VCL: variants seen among roughly 807,000 people sequenced by gnomAD.
VCL encodes the protein epididymis luminal protein 114.
A neutral mutation model predicts 125.7 loss-of-function variants in VCL; 47 were observed. The ratio of observed to expected loss-of-function variants is 0.37; its 90% CI spans 0.30 to 0.48. The LOEUF is 0.48. VCL is among the 20% of genes least tolerant of loss of function. The pLI, the probability that VCL is intolerant of heterozygous loss-of-function variation, is 0.99. For missense variants in VCL, 1,069 were observed against 1,455.5 expected (o/e 0.73, Z 4.32); for synonymous variants, 458 against 514.6 (o/e 0.89, Z 1.49).
chr10:74,001,701 G>A (rs1840229032), intron 1 of VCL, among the ~76,000 whole-genome samples: 2 of 152,260 alleles, frequency 1.3e-5, no homozygotes, highest in South Asian at 2.1e-4. Flanking sequence ...CTCTGAATTT[G>A]CTAGAAAAGA....
Position 73,998,369 on chromosome 10 carries a change from C to T in VCL, c.162C>T (p.Leu54=). 1.3e-6 allele frequency: 2 copies of T among 1,535,326 alleles called. No homozygotes were observed. Among genetic ancestry groups the T allele is most frequent in the African/African-American group, 1.4e-5 (1 of 71,570 alleles). Residue 54 remains leucine (L), a synonymous_variant, in exon 1 of 22, where the codon CTC becomes CTT. Coordinates refer to ENST00000211998, the MANE Select transcript of VCL (RefSeq NM_014000.3). ...VAAVQAAVSN[L]VRVGKETVQT... is the part of the protein sequence containing the mutation. ...CCGTGCAGGCGGCCGTCAGCAACCTCGTCCGGGTGAGCGCGCAGGGCCTGG... is the reference window on the plus strand; with the variant it reads ...CCGTGCAGGCGGCCGTCAGCAACCTTGTCCGGGTGAGCGCGCAGGGCCTGG...
intron 1 of VCL, among the ~76,000 whole-genome samples, chr10:74,003,493 C>T (rs73278487): frequency 2.0e-3 from 305 of 152,186 alleles, no homozygotes; most frequent in African/African-American, 7.0e-3. Context: ...ACATTATAGT[C>T]ATGCCAGTTT....
At chr10:74,121,322 T>TATC (rs1262655268), downstream of VCL, 2 of 152,242 alleles carry the variant, frequency 1.3e-5, no homozygotes, top group Admixed American at 6.5e-5. Flanking sequence ...GGAATGAACC[T>TATC]ATCACAGGAA....
intron 1 of VCL, among the ~76,000 whole-genome samples, chr10:74,004,750 G>T (rs1019785346): frequency 6.6e-6 from 1 of 151,766 alleles, no homozygotes; most frequent in Non-Finnish European, 1.5e-5. Flanking sequence ...TCTTGCCCAG[G>T]CTGGAGTGCA....
At chr10:74,106,705 C>T (rs1430639770) in intron 16 of VCL, among the ~76,000 whole-genome samples, 1 of 152,216 alleles carries the variant, frequency 6.6e-6, no homozygotes, top group Non-Finnish European at 1.5e-5. Context: ...TGCTTGGTTT[C>T]CTAATTGGAG....
chr10:74,039,392 G>A (rs532486615), intron 1 of VCL, among the ~76,000 whole-genome samples: 127 of 151,694 alleles, frequency 8.4e-4, no homozygotes, highest in African/African-American at 2.7e-3. Flanking sequence ...TCACTCTCCC[G>A]GCTGACTGCA....
chr10:74,010,030 TCCTCCCTCTTCAG>T (rs1454196581), intron 1 of VCL, among the ~76,000 whole-genome samples: 3 of 152,076 alleles, frequency 2.0e-5, no homozygotes, highest in African/African-American at 7.2e-5. Context: ...GTTCAAGTGA[TCCTCCCTCTTCAG>T]CCTCCCAAGT....
chr10:74,026,580 G>A (rs1425435526), intron 1 of VCL, among the ~76,000 whole-genome samples: 2 of 152,086 alleles, frequency 1.3e-5, no homozygotes, highest in Non-Finnish European at 2.9e-5. Flanking sequence ...AATCACAAAC[G>A]AATATTGCAA....
At chr10:74,115,142 G>T (rs1029083975) in intron 21 of VCL, among the ~76,000 whole-genome samples, 2 of 152,022 alleles carry the variant, frequency 1.3e-5, no homozygotes, top group African/African-American at 4.8e-5. Flanking sequence ...TGAGGCGGGA[G>T]AATTGCTTAA....
intron 2 of VCL, among the ~76,000 whole-genome samples, chr10:74,064,161 C>G (rs980067971): frequency 6.6e-6 from 1 of 152,132 alleles, no homozygotes; most frequent in Non-Finnish European, 1.5e-5. Flanking sequence ...CACAGAAATA[C>G]TTTACTCAAA....
At chr10:74,056,104 C>A (rs1346015136) in intron 2 of VCL, among the ~76,000 whole-genome samples, 1 of 151,778 alleles carries the variant, frequency 6.6e-6, no homozygotes, top group Admixed American at 6.6e-5. Context: ...TATTTGAAGT[C>A]AAAACTGGCT....
intron 18 of VCL, among the ~76,000 whole-genome samples, chr10:74,109,503 C>T (rs1443481164): frequency 6.6e-6 from 1 of 151,910 alleles, no homozygotes; most frequent in African/African-American, 2.4e-5. Context: ...TTAGATGCTA[C>T]ATTGCTAATG....
rs1159824812 is a variant in VCL at position 74,028,393 on chromosome 10, CTT to C, written c.169-14671_169-14670del. On this transcript the variant is annotated intron_variant, in intron 1 of 21. Coordinates refer to ENST00000211998, the MANE Select transcript of VCL (RefSeq NM_014000.3). ...GCCACTGCTCCCAGCCTTAAGTAATCTTTTTTTTTTTTTTTTTTTTGAGACAG... is the reference window on the plus strand; with the variant it reads ...GCCACTGCTCCCAGCCTTAAGTAATCTTTTTTTTTTTTTTTTTTGAGACAG... Among the ~76,000 whole-genome samples the C allele has an allele frequency of 1.6e-3, 193 of 121,724 alleles. 1 individual carries two copies. The highest frequency in any genetic ancestry group is 5.5e-3 in the African/African-American group (178 of 32,104). The allele number at this position is 121,724 out of a possible 152,430, so 79.9% of individuals were successfully genotyped here.
At chr10:74,042,050 A>G (rs1267735731) in intron 1 of VCL, among the ~76,000 whole-genome samples, 3 of 152,244 alleles carry the variant, frequency 2.0e-5, no homozygotes, top group African/African-American at 7.2e-5. Context: ...GCATTAGTAC[A>G]ACCAGTAGAA....
chr10:74,079,372 C>A (rs1462826095), intron 6 of VCL, among the ~76,000 whole-genome samples: 1 of 152,092 alleles, frequency 6.6e-6, no homozygotes, highest in Non-Finnish European at 1.5e-5. Flanking sequence ...TTGGTAGAGA[C>A]TTTTCTTTTT....
At chr10:74,111,877 C>G (rs1485575082) in intron 18 of VCL, 32 bp from the exon 19 acceptor site, 2 of 1,613,364 alleles carry the variant, frequency 1.2e-6, no homozygotes, top group Admixed American at 1.7e-5. Flanking sequence ...TAACACTATC[C>G]CTATTTCTCA....
intron 1 of VCL, among the ~76,000 whole-genome samples, chr10:74,022,211 A>T (rs974802719): frequency 2.0e-5 from 3 of 152,134 alleles, no homozygotes; most frequent in African/African-American, 4.8e-5. Flanking sequence ...TTGGGAAAAA[A>T]ACAGAAGATG....
chr10:74,093,630 C>T (rs1024911223), intron 10 of VCL, among the ~76,000 whole-genome samples: 4 of 149,264 alleles, frequency 2.7e-5, no homozygotes, highest in South Asian at 4.2e-4. Context: ...CCTATCTCCA[C>T]GAAATATTTT....
At chr10:74,065,702 A>G (rs541931542) in intron 2 of VCL, among the ~76,000 whole-genome samples, 29 of 152,124 alleles carry the variant, frequency 1.9e-4, no homozygotes, top group Admixed American at 1.3e-3. Context: ...AAAAGAAAAA[A>G]AAAGCAAGTT....
Sources: allele counts gnomAD v4.1 joint callset (sites outside exome capture counted in the v4.1 genomes callset), GRCh38; gene constraint gnomAD v4.1.1; transcripts MANE v1.5; gene names NCBI Gene and HGNC (gene_info 2026-07-23, HGNC 2026-07-21).